KLRG1: variants seen among roughly 807,000 people sequenced by gnomAD.
The protein encoded by KLRG1 is killer cell lectin-like receptor subfamily G member 1.
A neutral mutation model predicts 21.8 loss-of-function variants in KLRG1; 16 were observed. The observed-to-expected ratio is 0.73, with a 90% CI of 0.50 to 1.11. KLRG1 has a LOEUF of 1.11. Ranked by LOEUF, KLRG1 falls within the 50% of genes most tolerant of loss-of-function variation. KLRG1 has a pLI of 0.00. For missense variants in KLRG1, 173 were observed against 218.3 expected (o/e 0.79, Z 1.31); for synonymous variants, 69 against 75.9 (o/e 0.91, Z 0.47).
chr12:9,060,377 T>C, the KLRG1 span, among the ~76,000 whole-genome samples: 1 of 152,174 alleles, frequency 6.6e-6, no homozygotes, highest in Non-Finnish European at 1.5e-5. Context: ...CTTAGTGGTC[T>C]TTCAACTGCT....
At chr12:9,122,984 A>AT in the KLRG1 span, among the ~76,000 whole-genome samples, 1 of 152,120 alleles carries the variant, frequency 6.6e-6, no homozygotes, top group African/African-American at 2.4e-5. Flanking sequence ...TCATAATGTA[A>AT]TTTTTTCCAT....
intron 3 of KLRG1, among the ~76,000 whole-genome samples, chr12:9,004,531 T>C (rs1947409929): frequency 6.6e-6 from 1 of 152,226 alleles, no homozygotes; most frequent in Non-Finnish European, 1.5e-5. Context: ...AGCAATGGCA[T>C]GATCACAGCT....
At chr12:8,974,360 G>C (rs906409964) in intron 1 of KLRG1, among the ~76,000 whole-genome samples, 1 of 151,960 alleles carries the variant, frequency 6.6e-6, no homozygotes, top group South Asian at 2.1e-4. Context: ...GTAGAGACGG[G>C]GTTTCACCGT....
chr12:9,187,271 T>C, the KLRG1 span, among the ~76,000 whole-genome samples: 1 of 151,946 alleles, frequency 6.6e-6, no homozygotes, highest in African/African-American at 2.4e-5. Context: ...CCACAGACAG[T>C]ATTAGACAGA....
In KLRG1 at chr12:8,982,120, A is replaced by G. The variant is rs1400368029; in HGVS notation, c.-155-10086A>G. Among the ~76,000 whole-genome samples the G allele has an allele frequency of 3.3e-5, 5 of 152,224 alleles. No homozygotes were observed. The East Asian group carries it at 7.7e-4, about 23-fold the overall frequency. On this transcript the variant is annotated intron_variant, in intron 1 of 4. Coordinates refer to the KLRG1 transcript ENST00000539240. Reference sequence around the variant, plus strand: ...ATAATTATGTTACCTTATATGACAGATACTTTGTAGATAGGATTAAGCTAA... The same window carrying G: ...ATAATTATGTTACCTTATATGACAGGTACTTTGTAGATAGGATTAAGCTAA...
chr12:9,193,777 A>T, the KLRG1 span, among the ~76,000 whole-genome samples: 1 of 152,128 alleles, frequency 6.6e-6, no homozygotes, highest in African/African-American at 2.4e-5. Context: ...AAATAACATA[A>T]AACAAAGTAC....
At chr12:9,121,078 G>A in the KLRG1 span, among the ~76,000 whole-genome samples, 1 of 151,862 alleles carries the variant, frequency 6.6e-6, no homozygotes, top group Non-Finnish European at 1.5e-5. This position sits in a 1 kb window ranked among gnomAD's most constrained non-coding sequence, Gnocchi z 4.4. Flanking sequence ...TGGAGACAGG[G>A]TCCTACCATG....
chr12:9,150,314 G>A, the KLRG1 span, among the ~76,000 whole-genome samples: 4 of 151,880 alleles, frequency 2.6e-5, no homozygotes, highest in African/African-American at 7.3e-5. Flanking sequence ...ACGGAGTCTC[G>A]CACCGTCACC....
the KLRG1 span, chr12:9,106,720 A>G: frequency 2.0e-6 from 1 of 500,256 alleles, no homozygotes; most frequent in Non-Finnish European, 3.5e-6. Flanking sequence ...GGCATTTTCT[A>G]TGACGAGGAC....
the KLRG1 span, among the ~76,000 whole-genome samples, chr12:9,143,107 G>A: frequency 2.0e-5 from 3 of 152,178 alleles, no homozygotes; most frequent in African/African-American, 7.2e-5. Context: ...TTCATCAGGG[G>A]TGAGGGTTGA....
chr12:9,097,632 C>CTTTTTTTTT, the KLRG1 span, among the ~76,000 whole-genome samples: 6 of 127,116 alleles, frequency 4.7e-5, no homozygotes, highest in Admixed American at 8.2e-5. Flanking sequence ...TGATGTAATT[C>CTTTTTTTTT]TTTTTTTTTT....
At chr12:9,159,497 A>G in the KLRG1 span, among the ~76,000 whole-genome samples, 6 of 152,146 alleles carry the variant, frequency 3.9e-5, no homozygotes, top group Non-Finnish European at 8.8e-5. Context: ...GGAGCCTTTA[A>G]GAGGTGATTG....
the KLRG1 span, chr12:9,077,442 C>A: frequency 6.3e-7 from 1 of 1,599,054 alleles, no homozygotes. Context: ...AGAGAGAGAT[C>A]TGAATAATTC....
At position 9,010,065 on chromosome 12, in the gene KLRG1, A is replaced by T; in HGVS notation, c.*528A>T. 3 of 1,504,264 alleles carry T rather than the reference A, an allele frequency of 2.0e-6. No individual in the cohort carries two copies. The South Asian group carries it at 3.6e-5, about 18-fold the overall frequency. The allele number at this position is 1,504,264 out of a possible 1,614,324, so 93.2% of individuals were successfully genotyped here. A position where few individuals can be genotyped will look rare whatever the true frequency, so the allele number is the denominator to read the frequency against. ...AGCTGGCATGCTGGTGTGTACCTGT[A>T]GTCCTAGCTATTTGGGAAGCTGAGG... On this transcript the variant is annotated 3_prime_UTR_variant, in exon 5 of 5. Coordinates refer to ENST00000356986, the MANE Select transcript of KLRG1 (RefSeq NM_005810.4).
chr12:9,178,971 C>A, the KLRG1 span, among the ~76,000 whole-genome samples: 1 of 152,110 alleles, frequency 6.6e-6, no homozygotes, highest in Admixed American at 6.5e-5. Context: ...TTTCATATTA[C>A]GAATTTACCA....
At chr12:9,121,213 T>C in the KLRG1 span, among the ~76,000 whole-genome samples, 3 of 152,124 alleles carry the variant, frequency 2.0e-5, no homozygotes, top group Non-Finnish European at 4.4e-5. The surrounding 1 kb of genome is among the most constrained non-coding windows in gnomAD (Gnocchi z 4.4). Context: ...GAAAAAATAT[T>C]TGAATATACA....
chr12:9,197,924 T>G, the KLRG1 span, among the ~76,000 whole-genome samples: 1 of 129,496 alleles, frequency 7.7e-6, no homozygotes, highest in Non-Finnish European at 1.6e-5. Context: ...ATATATTATA[T>G]AAGTTATCTA....
the KLRG1 span, chr12:9,079,132 A>C: frequency 1.3e-6 from 1 of 780,442 alleles, no homozygotes; most frequent in South Asian, 2.1e-5. Context: ...AGTATAACAA[A>C]CCATCGGTCT....
At chr12:9,153,439 G>T in the KLRG1 span, 1 of 945,838 alleles carries the variant, frequency 1.1e-6, no homozygotes, top group Non-Finnish European at 1.6e-6. Flanking sequence ...GAGGGAAGCT[G>T]GCTTTTTACC....
Sources: gnomAD v4.1 joint callset for allele counts (sites outside exome capture counted in the v4.1 genomes callset) on GRCh38, gnomAD v4.1.1 for gene constraint, Gnocchi (gnomAD v3.1) non-coding constraint, MANE v1.5 for transcripts, NCBI Gene and HGNC (gene_info 2026-07-23, HGNC 2026-07-21) for gene names.